ARID2: variants seen among roughly 807,000 people sequenced by gnomAD.
The protein encoded by ARID2 is AT-rich interactive domain-containing protein 2.
In ARID2, 32 loss-of-function variants were observed where a neutral mutation model predicts 184.6. The ratio of observed to expected loss-of-function variants is 0.17; its 90% CI spans 0.13 to 0.23. The LOEUF is 0.23. Among genes scored for constraint, ARID2 ranks in the 10% least tolerant of loss-of-function variants. The probability of loss-of-function intolerance (pLI) is 1.00; values close to 1 mark genes in which losing one functional copy is unlikely to be tolerated. For synonymous variants in ARID2, 836 were observed against 772.6 expected (o/e 1.08, Z -1.36); for missense variants, 1,696 against 2,197.6 (o/e 0.77, Z 4.56).
intron 3 of ARID2, among the ~76,000 whole-genome samples, chr12:45,777,779 G>C (rs1472410718): frequency 2.0e-5 from 3 of 147,952 alleles, no homozygotes; most frequent in African/African-American, 7.4e-5. Flanking sequence ...TGTCTTTAAA[G>C]TTTATATTTT....
intron 20 of ARID2, among the ~76,000 whole-genome samples, chr12:45,897,437 C>CA (rs1205594773): frequency 1.3e-5 from 2 of 152,112 alleles, no homozygotes; most frequent in East Asian, 3.9e-4. Context: ...ATACTATCAA[C>CA]AGAGTAAAAA....
chr12:45,755,359 C>T (rs1288522431), intron 3 of ARID2, among the ~76,000 whole-genome samples: 3 of 152,158 alleles, frequency 2.0e-5, no homozygotes, highest in Non-Finnish European at 2.9e-5. Context: ...ATGGCAAACA[C>T]ACCTGCCCAG....
At chr12:45,798,208 GT>G (rs148631760) in intron 3 of ARID2, among the ~76,000 whole-genome samples, 43,415 of 149,074 alleles carry the variant, frequency 0.29, 6,464 homozygotes, top group Admixed American at 0.33. Context: ...GTTTGAACGT[GT>G]TTTTTTTTTC....
intron 20 of ARID2, among the ~76,000 whole-genome samples, chr12:45,899,542 C>CT (rs1356353257): frequency 5.4e-5 from 8 of 149,092 alleles, no homozygotes; most frequent in East Asian, 2.0e-4. Flanking sequence ...GGAGGCGGAG[C>CT]TTGCAGTGAA....
chr12:45,837,833 G>C (rs1943248645), intron 10 of ARID2, 126 bp downstream of exon 10: 2 of 706,386 alleles, frequency 2.8e-6, no homozygotes, highest in Admixed American at 6.3e-5. Context: ...TACCTCCTCA[G>C]GCATACTTGT....
chr12:45,771,515 A>G (rs1565590159), intron 3 of ARID2, among the ~76,000 whole-genome samples: 1 of 151,772 alleles, frequency 6.6e-6, no homozygotes, highest in Non-Finnish European at 1.5e-5. Flanking sequence ...AAAAAAAAAA[A>G]ATTTAAAACT....
intron 6 of ARID2, among the ~76,000 whole-genome samples, chr12:45,827,599 G>C (rs368339690): frequency 6.6e-6 from 1 of 152,108 alleles, no homozygotes; most frequent in Admixed American, 6.6e-5. Context: ...GCAAGACAAT[G>C]TGATAGAGAG....
At chr12:45,782,928 G>C (rs1942123378) in intron 3 of ARID2, among the ~76,000 whole-genome samples, 1 of 151,846 alleles carries the variant, frequency 6.6e-6, no homozygotes, top group Non-Finnish European at 1.5e-5. Context: ...GGGCAACATG[G>C]CAAAGCCCTG....
At chr12:45,795,093 A>G (rs534504604) in intron 3 of ARID2, among the ~76,000 whole-genome samples, 4 of 152,008 alleles carry the variant, frequency 2.6e-5, no homozygotes, top group Admixed American at 2.6e-4. Context: ...TTCTTAGATT[A>G]TTCAAGAAAT....
intron 6 of ARID2, among the ~76,000 whole-genome samples, chr12:45,827,075 C>T (rs745618835): frequency 9.9e-5 from 15 of 151,550 alleles, no homozygotes; most frequent in Non-Finnish European, 2.1e-4. Flanking sequence ...CTGGGATGTA[C>T]GTACTCACAT....
chr12:45,850,844 A>C lies in ARID2; in HGVS notation c.2721A>C (p.Ser907=), dbSNP rs1043925311. The C allele has an allele frequency of 1.2e-6, 2 of 1,614,020 alleles. No individual in the cohort carries two copies. Among genetic ancestry groups the C allele is most frequent in the African/African-American group, 2.7e-5 (2 of 74,904 alleles). ...APKPLPSQQV[S]STVVQQPIQQ... is the part of the protein sequence containing the mutation. ...AACCTCTCCCTTCTCAGCAAGTTTC[A>C]TCTACAGTGGTACAGCAGCCTATTC... is the stretch of plus-strand genomic sequence containing the variant. Residue 907 remains serine, a synonymous_variant, in exon 15 of 21, where the codon TCA becomes TCC. Transcript: ENST00000334344.
intron 3 of ARID2, among the ~76,000 whole-genome samples, chr12:45,753,535 TTAATCTA>T (rs1941507903): frequency 6.6e-6 from 1 of 152,176 alleles, no homozygotes; most frequent in South Asian, 2.1e-4. Flanking sequence ...GGTATATAGT[TTAATCTA>T]TAAATGCAAA....
chr12:45,730,055 A>G lies in ARID2; in HGVS notation c.104A>G (p.Lys35Arg). Residue 35 changes from lysine to arginine, a missense_variant, in exon 2 of 21, where the codon AAA becomes AGA. This residue lies in a region of ARID2 where 54 missense variants were observed against 59.9 expected (regional missense o/e 0.90). Transcript: ENST00000334344. ...TTTCTCTCCCGCAGGTCGCCTTTTA[A>G]AAAAATCCCTGCGGTGGGTGGGAAG... ...QFHHSRGSPFKKIPAVGGKEL... is the reference protein window; with the variant it reads ...QFHHSRGSPFRKIPAVGGKEL... 3 of 1,613,380 alleles carry G rather than the reference A, an allele frequency of 1.9e-6. No individual in the cohort carries two copies. Among genetic ancestry groups the G allele is most frequent in the Non-Finnish European group, 2.5e-6 (3 of 1,179,686 alleles).
intron 16 of ARID2, among the ~76,000 whole-genome samples, chr12:45,890,529 A>G (rs1277234530): frequency 2.0e-5 from 3 of 152,206 alleles, no homozygotes; most frequent in Non-Finnish European, 4.4e-5. Flanking sequence ...ATCATATTTC[A>G]TATTAATGAA....
intron 6 of ARID2, among the ~76,000 whole-genome samples, chr12:45,836,050 C>T (rs1943215600): frequency 6.6e-6 from 1 of 151,962 alleles, no homozygotes; most frequent in African/African-American, 2.4e-5. Context: ...GTTAAAAAGC[C>T]CTAAACATAA....
At chr12:45,838,598 G>C (rs1943265061) in intron 10 of ARID2, among the ~76,000 whole-genome samples, 1 of 151,970 alleles carries the variant, frequency 6.6e-6, no homozygotes, top group Non-Finnish European at 1.5e-5. Context: ...GATCTCATCT[G>C]TACGAAAAAT....
chr12:45,801,041 A>G (rs971398130), intron 3 of ARID2, among the ~76,000 whole-genome samples: 1 of 152,166 alleles, frequency 6.6e-6, no homozygotes, highest in Non-Finnish European at 1.5e-5. Context: ...TAGAAAAATT[A>G]CTTTCTCACG....
chr12:45,802,865 A>G (rs140740115), intron 3 of ARID2, among the ~76,000 whole-genome samples: 3 of 152,286 alleles, frequency 2.0e-5, no homozygotes, highest in Non-Finnish European at 1.5e-5. Flanking sequence ...CCGACTTTCA[A>G]CTTCTTTGCC....
At chr12:45,763,955 T>A (rs929502460) in intron 3 of ARID2, among the ~76,000 whole-genome samples, 3 of 152,210 alleles carry the variant, frequency 2.0e-5, no homozygotes, top group Non-Finnish European at 4.4e-5. Context: ...ATAGAAAGGA[T>A]CACTGAAAAG....
Sources: allele counts gnomAD v4.1 joint callset (sites outside exome capture counted in the v4.1 genomes callset), GRCh38; gene constraint gnomAD v4.1.1; regional missense constraint gnomAD v4.1.1; transcripts MANE v1.5; gene names NCBI Gene and HGNC (gene_info 2026-07-23, HGNC 2026-07-21).